Variants in L3MBTL4 observed in about 807,000 individuals in gnomAD.
L3MBTL4 encodes the protein L3MBTL histone methyl-lysine binding protein 4, also known as lethal(3)malignant brain tumor-like protein 4.
L3MBTL4 carries 70 observed loss-of-function variants against 84.5 expected under a neutral mutation model. The ratio of observed to expected loss-of-function variants is 0.83; its 90% CI spans 0.68 to 1.01. L3MBTL4 has a LOEUF of 1.01. Among genes scored for constraint, L3MBTL4 ranks in the 50% least tolerant of loss-of-function variants. The probability of loss-of-function intolerance (pLI) is 0.00; values close to 1 mark genes in which losing one functional copy is unlikely to be tolerated. For synonymous variants in L3MBTL4, 274 were observed against 259.8 expected, an observed-to-expected ratio of 1.05 and a Z score of -0.52; for missense variants, 715 against 754.8, an observed-to-expected ratio of 0.95 and a Z score of 0.62.
intron 16 of L3MBTL4, among the ~76,000 whole-genome samples, chr18:6,010,571 T>G (rs1461408251): frequency 6.6e-6 from 1 of 152,202 alleles, no homozygotes; most frequent in Non-Finnish European, 1.5e-5. Context: ...AGATCTGGTT[T>G]CAATCTGTGT....
At chr18:6,233,710 A>G (rs2047092639) in intron 10 of L3MBTL4, among the ~76,000 whole-genome samples, 1 of 152,168 alleles carries the variant, frequency 6.6e-6, no homozygotes, top group South Asian at 2.1e-4. Flanking sequence ...ATGGGTAGGA[A>G]GAATCAATAT....
rs756113935 is a variant in L3MBTL4, at chr18:5,988,655, T to C, written c.1445-19093A>G. Among the ~76,000 whole-genome samples the C allele has an allele frequency of 4.8e-5, 7 of 145,356 alleles. No individual in the cohort carries two copies. The East Asian group carries it at 1.4e-3, about 30-fold the overall frequency. ...ATGAGTCAATATATGTATGTACGTA[T>C]GTATATGCATTTAAAAAAATCACTC... On this transcript the variant is annotated intron_variant, in intron 16 of 18. Transcript: ENST00000317931.
intron 1 of L3MBTL4, among the ~76,000 whole-genome samples, chr18:6,393,115 CT>C (rs760705810): frequency 3.3e-5 from 5 of 152,082 alleles, no homozygotes; most frequent in Non-Finnish European, 5.9e-5. Context: ...AATAAACCCC[CT>C]ATAGAGCCTA....
intron 4 of L3MBTL4, among the ~76,000 whole-genome samples, chr18:6,276,984 TTAAA>T (rs2049107415): frequency 6.6e-6 from 1 of 151,910 alleles, no homozygotes; most frequent in South Asian, 2.1e-4. Flanking sequence ...AATTTTCAGA[TTAAA>T]TAAAAAATGA....
intron 16 of L3MBTL4, among the ~76,000 whole-genome samples, chr18:6,014,518 G>A (rs1462795805): frequency 7.2e-6 from 1 of 138,310 alleles, no homozygotes; most frequent in South Asian, 2.1e-4. Flanking sequence ...TGCAGGGTAA[G>A]TGAAGTCTGC....
chr18:6,056,589 C>T lies in L3MBTL4; in HGVS notation c.1444+24292G>A, dbSNP rs188776123. The stretch of plus-strand genomic sequence containing the variant: ...GAGAGGTAGAGAAAGGCTCTCTATG[C>T]GACAGGCAAGGAGACTCAGGCCCAC... On this transcript the variant is annotated intron_variant, in intron 16 of 18. Coordinates refer to ENST00000317931, the MANE Select transcript of L3MBTL4 (RefSeq NM_001330559.2). Among the ~76,000 whole-genome samples the T allele has an allele frequency of 1.4e-3, 215 of 152,178 alleles. 1 individual carries two copies. The highest frequency in any genetic ancestry group is 2.4e-3 in the Non-Finnish European group (166 of 68,024).
At chr18:6,261,828 C>T (rs558898039) in intron 5 of L3MBTL4, among the ~76,000 whole-genome samples, 3 of 152,150 alleles carry the variant, frequency 2.0e-5, no homozygotes, top group African/African-American at 4.8e-5. Flanking sequence ...AATACCCTGA[C>T]GGGCTGAGAT....
At chr18:5,999,826 G>A (rs2054136735) in intron 16 of L3MBTL4, among the ~76,000 whole-genome samples, 1 of 152,200 alleles carries the variant, frequency 6.6e-6, no homozygotes, top group African/African-American at 2.4e-5. Context: ...TTCCTTGCTT[G>A]TACAAATGGG....
intron 10 of L3MBTL4, among the ~76,000 whole-genome samples, chr18:6,224,374 C>A (rs1318509647): frequency 6.6e-6 from 1 of 152,182 alleles, no homozygotes; most frequent in Non-Finnish European, 1.5e-5. Flanking sequence ...CCAAATATTT[C>A]TAATGGCAGC....
At chr18:5,995,563 C>G (rs12608088) in intron 16 of L3MBTL4, among the ~76,000 whole-genome samples, 3,473 of 152,258 alleles carry the variant, frequency 0.023, 241 homozygotes, top group Admixed American at 0.15. Flanking sequence ...TTGCTCTTTT[C>G]TTTCTGTTTT....
At chr18:6,158,811 T>A (rs543664542) in intron 13 of L3MBTL4, among the ~76,000 whole-genome samples, 2 of 152,238 alleles carry the variant, frequency 1.3e-5, no homozygotes, top group South Asian at 4.1e-4. Context: ...GACCCAGAAG[T>A]TCTTACGTGC....
At chr18:6,126,110 A>G (rs2059685063) in intron 14 of L3MBTL4, among the ~76,000 whole-genome samples, 1 of 152,214 alleles carries the variant, frequency 6.6e-6, no homozygotes, top group African/African-American at 2.4e-5. Context: ...TACCCATGAA[A>G]AACTATATAT....
Position 6,223,456 on chromosome 18 carries a change from T to C in L3MBTL4, c.785-7621A>G, listed in dbSNP as rs116551021. Among the ~76,000 whole-genome samples, 121 of 152,294 alleles carry C rather than the reference T, an allele frequency of 7.9e-4. 1 individual carries two copies. The highest frequency in any genetic ancestry group is 2.9e-3 in the African/African-American group (119 of 41,572). On this transcript the variant is annotated intron_variant, in intron 10 of 18. Transcript: ENST00000317931. ...GTTGGAAGGAATTTGCCATGAGACA[T>C]AGTTGAGCAAAGTTAAAAATGATGT... is the stretch of plus-strand genomic sequence containing the variant.
intron 16 of L3MBTL4, among the ~76,000 whole-genome samples, chr18:6,039,484 T>C (rs1598520857): frequency 1.3e-5 from 2 of 152,280 alleles, no homozygotes; most frequent in East Asian, 1.9e-4. Flanking sequence ...TTTCCCCCAA[T>C]TTAAACCAAT....
intron 16 of L3MBTL4, among the ~76,000 whole-genome samples, chr18:6,045,403 A>G (rs1447613400): frequency 6.6e-6 from 1 of 152,192 alleles, no homozygotes; most frequent in Non-Finnish European, 1.5e-5. Context: ...ATCTGTTTTC[A>G]CGTGGCTGAT....
At chr18:6,173,961 G>A (rs2044101821) in intron 12 of L3MBTL4, among the ~76,000 whole-genome samples, 1 of 152,014 alleles carries the variant, frequency 6.6e-6, no homozygotes, top group Non-Finnish European at 1.5e-5. Flanking sequence ...AGACTAATGT[G>A]GAGAAACCTC....
intron 16 of L3MBTL4, among the ~76,000 whole-genome samples, chr18:5,984,159 G>T (rs751543744): frequency 4.6e-5 from 7 of 152,194 alleles, no homozygotes; most frequent in South Asian, 2.1e-4. Flanking sequence ...TGATCTGCCT[G>T]CCTCAGCCTC....
intron 14 of L3MBTL4, among the ~76,000 whole-genome samples, chr18:6,096,319 G>C (rs1482980682): frequency 6.6e-6 from 1 of 152,102 alleles, no homozygotes; most frequent in Non-Finnish European, 1.5e-5. Context: ...TTTCCTCCTA[G>C]TTCCTTTTTT....
At chr18:6,301,022 T>C (rs1438543121) in intron 4 of L3MBTL4, among the ~76,000 whole-genome samples, 1 of 152,178 alleles carries the variant, frequency 6.6e-6, no homozygotes, top group African/African-American at 2.4e-5. Flanking sequence ...TAAAAAAACA[T>C]AGCTTTTATT....
Sources: allele counts gnomAD v4.1 joint callset (sites outside exome capture counted in the v4.1 genomes callset), GRCh38; gene constraint gnomAD v4.1.1; transcripts MANE v1.5; gene names NCBI Gene and HGNC (gene_info 2026-07-23, HGNC 2026-07-21).